The following TMEM132C variants were observed in gnomAD, a reference collection of about 807,000 sequenced individuals.
The protein encoded by TMEM132C is protein phosphatase 1, regulatory subunit 152.
TMEM132C carries 29 observed loss-of-function variants against 61.4 expected under a neutral mutation model. The ratio of observed to expected loss-of-function variants is 0.47; its 90% CI spans 0.35 to 0.64. TMEM132C has a LOEUF of 0.64. Ranked by LOEUF, TMEM132C falls within the 30% of genes least tolerant of loss-of-function variation. The pLI is 0.00. For missense variants in TMEM132C, 1,408 were observed against 1,476.9 expected, an observed-to-expected ratio of 0.95 and a Z score of 0.76; for synonymous variants, 656 against 633.1, an observed-to-expected ratio of 1.04 and a Z score of -0.54.
chr12:128,420,761 G>A (rs969862655), intron 2 of TMEM132C, among the ~76,000 whole-genome samples: 10 of 152,172 alleles, frequency 6.6e-5, no homozygotes, highest in Middle Eastern at 3.2e-3. Flanking sequence ...GCATCAGGAT[G>A]TTGGGGATGA....
intron 1 of TMEM132C, among the ~76,000 whole-genome samples, chr12:128,305,494 G>T (rs545791822): frequency 4.6e-5 from 7 of 150,832 alleles, no homozygotes; most frequent in African/African-American, 1.7e-4. Context: ...TTAAGTTTCC[G>T]CCGAACTTTA....
At chr12:128,533,107 A>G (rs531188128) in intron 2 of TMEM132C, among the ~76,000 whole-genome samples, 1 of 152,240 alleles carries the variant, frequency 6.6e-6, no homozygotes, top group East Asian at 1.9e-4. Flanking sequence ...AGGATGTACC[A>G]CTTGCAAAGG....
chr12:128,530,149 C>T (rs112621854), intron 2 of TMEM132C, among the ~76,000 whole-genome samples: 2,797 of 152,038 alleles, frequency 0.018, 42 homozygotes, highest in Non-Finnish European at 0.027. Context: ...ATGGAGTCTC[C>T]GCAGGCGTAG....
chr12:128,349,924 C>T (rs1229838382), intron 1 of TMEM132C, among the ~76,000 whole-genome samples: 1 of 151,664 alleles, frequency 6.6e-6, no homozygotes, highest in African/African-American at 2.4e-5. Context: ...ACCGTACACA[C>T]ACACACACAC....
chr12:128,342,169 C>T (rs575037548), intron 1 of TMEM132C, among the ~76,000 whole-genome samples: 8 of 152,130 alleles, frequency 5.3e-5, no homozygotes, highest in South Asian at 4.2e-4. Context: ...ACACCACGCC[C>T]GGCTAATTTT....
At chr12:128,683,002 GT>G (rs1438096758) in intron 5 of TMEM132C, among the ~76,000 whole-genome samples, 2 of 152,174 alleles carry the variant, frequency 1.3e-5, no homozygotes, top group Non-Finnish European at 2.9e-5. Flanking sequence ...CTGCCTCTGT[GT>G]TTTAGGGCTT....
chr12:128,542,633 G>A (rs1037869811), intron 2 of TMEM132C, among the ~76,000 whole-genome samples: 2 of 152,016 alleles, frequency 1.3e-5, no homozygotes, highest in Non-Finnish European at 2.9e-5. Flanking sequence ...AGGCCAAGGC[G>A]GGTGGATCAC....
chr12:128,590,441 A>G (rs1700863532), intron 3 of TMEM132C, among the ~76,000 whole-genome samples: 1 of 113,532 alleles, frequency 8.8e-6, no homozygotes, highest in African/African-American at 2.6e-5. Context: ...CAAATTCTCA[A>G]TGCTTAGAAA....
chr12:128,601,429 G>A (rs187487977), intron 3 of TMEM132C, among the ~76,000 whole-genome samples: 8 of 152,366 alleles, frequency 5.3e-5, no homozygotes, highest in African/African-American at 1.9e-4. Context: ...ACGGGGAGTA[G>A]AACGGTGTCC....
At chr12:128,454,371 A>G (rs573346351) in intron 2 of TMEM132C, among the ~76,000 whole-genome samples, 12 of 152,204 alleles carry the variant, frequency 7.9e-5, no homozygotes, top group Admixed American at 5.2e-4. Flanking sequence ...GTTCAGGTCC[A>G]TGGATTTGCT....
chr12:128,653,813 T>C (rs1954297523), intron 4 of TMEM132C, among the ~76,000 whole-genome samples: 1 of 152,168 alleles, frequency 6.6e-6, no homozygotes, highest in Non-Finnish European at 1.5e-5. Context: ...TTTACTGCTA[T>C]AATGGTGCTG....
At chr12:128,500,202 T>A (rs1872113527) in intron 2 of TMEM132C, among the ~76,000 whole-genome samples, 1 of 152,166 alleles carries the variant, frequency 6.6e-6, no homozygotes, top group African/African-American at 2.4e-5. Context: ...TCCACAAAAA[T>A]TAATGCAAAA....
chr12:128,459,110 A>G (rs1718845031), intron 2 of TMEM132C, among the ~76,000 whole-genome samples: 1 of 152,214 alleles, frequency 6.6e-6, no homozygotes, highest in Non-Finnish European at 1.5e-5. Flanking sequence ...TGGAGGAGGC[A>G]TGGAAGGGGA....
intron 1 of TMEM132C, among the ~76,000 whole-genome samples, chr12:128,284,864 G>A (rs541199489): frequency 6.6e-6 from 1 of 152,160 alleles, no homozygotes; most frequent in Non-Finnish European, 1.5e-5. Flanking sequence ...CAGCCAGCAT[G>A]GTGTCTCATG....
chr12:128,704,288 A>G (rs1302683614), intron 8 of TMEM132C, among the ~76,000 whole-genome samples: 2 of 152,188 alleles, frequency 1.3e-5, no homozygotes, highest in Non-Finnish European at 2.9e-5. Context: ...AATAGTTTTT[A>G]CATAGCTGTT....
intron 5 of TMEM132C, among the ~76,000 whole-genome samples, chr12:128,676,718 A>G (rs1270330954): frequency 6.6e-6 from 1 of 152,232 alleles, no homozygotes; most frequent in Non-Finnish European, 1.5e-5. Flanking sequence ...ACACATGTAT[A>G]AGGGCTTTTC....
chr12:128,523,827 A>AG (rs1362332089), intron 2 of TMEM132C, among the ~76,000 whole-genome samples: 4 of 151,306 alleles, frequency 2.6e-5, no homozygotes, highest in South Asian at 2.1e-4. Flanking sequence ...AAAAAAAAAA[A>AG]AGAGACCCTG....
At chr12:128,659,311 GTC>G (rs1555240886) in intron 4 of TMEM132C, among the ~76,000 whole-genome samples, 1 of 152,136 alleles carries the variant, frequency 6.6e-6, no homozygotes, top group Non-Finnish European at 1.5e-5. Context: ...TGTGAAAGAC[GTC>G]TGTGAAGCCA....
At chr12:128,686,273 A>C (rs1954676293) in intron 5 of TMEM132C, among the ~76,000 whole-genome samples, 1 of 152,224 alleles carries the variant, frequency 6.6e-6, no homozygotes, top group Non-Finnish European at 1.5e-5. Flanking sequence ...CCAAGGCTAC[A>C]CGTGGTGGTT....
Sources: gnomAD v4.1 joint callset for allele counts (sites outside exome capture counted in the v4.1 genomes callset) on GRCh38, gnomAD v4.1.1 for gene constraint, MANE v1.5 for transcripts, NCBI Gene and HGNC (gene_info 2026-07-23, HGNC 2026-07-21) for gene names.